The following ARHGAP26 variants were observed in gnomAD, a reference collection of about 807,000 sequenced individuals.
ARHGAP26 encodes the protein rho GTPase-activating protein 26.
ARHGAP26 carries 38 observed loss-of-function variants against 104.8 expected under a neutral mutation model. The observed-to-expected ratio is 0.36, with a 90% CI of 0.28 to 0.48. The LOEUF is 0.48. Among genes scored for constraint, ARHGAP26 ranks in the 20% least tolerant of loss-of-function variants. ARHGAP26 has a pLI of 0.99. For missense variants in ARHGAP26, 704 were observed against 947.9 expected (o/e 0.74, Z 3.38); for synonymous variants, 341 against 340.0 (o/e 1.00, Z -0.03).
intron 20 of ARHGAP26, among the ~76,000 whole-genome samples, chr5:143,155,517 C>T (rs1800373338): frequency 6.6e-6 from 1 of 152,146 alleles, no homozygotes; most frequent in African/African-American, 2.4e-5. Flanking sequence ...GGTGGTTCTT[C>T]TTTTTTAAAA....
chr5:143,134,198 G>A (rs1797672277), intron 19 of ARHGAP26, 93 bp downstream of exon 19: 2 of 1,408,004 alleles, frequency 1.4e-6, no homozygotes, highest in East Asian at 5.0e-5. Context: ...TTTTCTCTGT[G>A]TGCTACTGGC....
At chr5:143,101,282 T>C (rs1793193895) in intron 17 of ARHGAP26, among the ~76,000 whole-genome samples, 1 of 152,182 alleles carries the variant, frequency 6.6e-6, no homozygotes, top group Non-Finnish European at 1.5e-5. Flanking sequence ...AGAAAATTAC[T>C]CTGGTTCGAG....
At chr5:142,826,107 TCAGA>T (rs1452990889) in intron 1 of ARHGAP26, among the ~76,000 whole-genome samples, 4 of 152,248 alleles carry the variant, frequency 2.6e-5, no homozygotes, top group African/African-American at 4.8e-5. Context: ...TAATGACCAG[TCAGA>T]CAGTGTTGAA....
intron 11 of ARHGAP26, among the ~76,000 whole-genome samples, chr5:143,008,133 A>T (rs540258537): frequency 3.3e-5 from 5 of 152,214 alleles, no homozygotes; most frequent in Non-Finnish European, 5.9e-5. Context: ...AGGCCATAGA[A>T]TTTACATTCA....
At position 142,949,164 on chromosome 5, in the gene ARHGAP26, CCAGAGAGAGAGA is replaced by C. The variant is rs1288373230; in HGVS notation, c.1107+17040_1107+17051del. Among the ~76,000 whole-genome samples, 45 of 40,626 alleles carry C rather than the reference CCAGAGAGAGAGA, an allele frequency of 1.1e-3. 6 individuals carry two copies. The highest frequency in any genetic ancestry group is 3.8e-3 in the African/African-American group (37 of 9,730). The allele number at this position is 40,626 out of a possible 152,430, so 26.7% of individuals were successfully genotyped here. A position where few individuals can be genotyped will look rare whatever the true frequency, so the allele number is the denominator to read the frequency against. On this transcript the variant is annotated intron_variant, in intron 11 of 22. Transcript: ENST00000645722. ...CTGCTGAAGTTTTATAGTTGAATTTCCAGAGAGAGAGAGAGAGAGAGAGAGAGAGAGAGAGAG... is the reference window on the plus strand; with the variant it reads ...CTGCTGAAGTTTTATAGTTGAATTTCGAGAGAGAGAGAGAGAGAGAGAGAG...
At chr5:142,861,463 T>C (rs1207476448) in intron 1 of ARHGAP26, among the ~76,000 whole-genome samples, 1 of 152,060 alleles carries the variant, frequency 6.6e-6, no homozygotes, top group Non-Finnish European at 1.5e-5. Flanking sequence ...CCACCTTGCT[T>C]CCTGTGGTAT....
intron 4 of ARHGAP26, among the ~76,000 whole-genome samples, chr5:142,884,546 C>T (rs1380650405): frequency 6.6e-6 from 1 of 152,218 alleles, no homozygotes; most frequent in Non-Finnish European, 1.5e-5. Flanking sequence ...TAGGTAGACA[C>T]ACTCTATGTA....
chr5:142,873,064 C>T (rs942442310), intron 1 of ARHGAP26, among the ~76,000 whole-genome samples: 1 of 152,244 alleles, frequency 6.6e-6, no homozygotes, highest in African/African-American at 2.4e-5. Context: ...GCTGTGGACA[C>T]TAATGTTGGC....
chr5:143,182,181 C>G (rs762587071), intron 20 of ARHGAP26, among the ~76,000 whole-genome samples: 2 of 152,170 alleles, frequency 1.3e-5, no homozygotes, highest in Non-Finnish European at 2.9e-5. Flanking sequence ...TAAGAGTTGA[C>G]AACTCTTACT....
chr5:143,104,518 C>T (rs1793721949), intron 17 of ARHGAP26, among the ~76,000 whole-genome samples: 1 of 151,914 alleles, frequency 6.6e-6, no homozygotes. Context: ...CTCAAAAAAA[C>T]AAAACAAAAC....
intron 18 of ARHGAP26, 101 bp from the exon 19 acceptor site, chr5:143,133,866 T>G: frequency 8.4e-7 from 1 of 1,191,250 alleles, no homozygotes. Context: ...CTTTTCTTGC[T>G]AATTCCAAGA....
chr5:142,886,376 A>G (rs987462320), intron 5 of ARHGAP26, among the ~76,000 whole-genome samples: 2 of 152,188 alleles, frequency 1.3e-5, no homozygotes. Flanking sequence ...CCCAACCACA[A>G]TTGGTTACAC....
intron 1 of ARHGAP26, among the ~76,000 whole-genome samples, chr5:142,837,233 G>C (rs771568396): frequency 6.6e-6 from 1 of 152,126 alleles, no homozygotes; most frequent in Non-Finnish European, 1.5e-5. Context: ...AAGGGTAGAC[G>C]TCATGAGAAA....
intron 17 of ARHGAP26, among the ~76,000 whole-genome samples, chr5:143,084,044 A>C (rs1048754571): frequency 6.6e-6 from 1 of 152,194 alleles, no homozygotes; most frequent in African/African-American, 2.4e-5. Context: ...CACGTCATTG[A>C]CTTTTATATG....
At chr5:142,817,670 G>A (rs1283235494) in intron 1 of ARHGAP26, among the ~76,000 whole-genome samples, 6 of 152,174 alleles carry the variant, frequency 3.9e-5, no homozygotes, top group African/African-American at 1.4e-4. Flanking sequence ...CCTCTCATGA[G>A]GTGGTGTGGA....
chr5:142,841,424 G>A (rs548406276), intron 1 of ARHGAP26, among the ~76,000 whole-genome samples: 13 of 152,296 alleles, frequency 8.5e-5, no homozygotes, highest in Middle Eastern at 3.4e-3. Context: ...TTACGTTTAC[G>A]GTGTAATTAA....
chr5:143,142,760 C>T (rs1798715260), intron 19 of ARHGAP26, among the ~76,000 whole-genome samples: 1 of 152,084 alleles, frequency 6.6e-6, no homozygotes. Flanking sequence ...AATTGCTGTG[C>T]ACTCATCACT....
At chr5:143,219,043 G>A (rs1027526570) in intron 22 of ARHGAP26, among the ~76,000 whole-genome samples, 4 of 152,244 alleles carry the variant, frequency 2.6e-5, no homozygotes, top group African/African-American at 4.8e-5. Context: ...GTGCGTATTC[G>A]CAAAGGGTCT....
chr5:142,941,103 A>AAAC (rs1187738620), intron 11 of ARHGAP26, among the ~76,000 whole-genome samples: 3 of 145,212 alleles, frequency 2.1e-5, no homozygotes, highest in East Asian at 2.2e-4. Context: ...AAAAAAAAGA[A>AAAC]TCTATATTCC....
Sources: allele counts gnomAD v4.1 joint callset (sites outside exome capture counted in the v4.1 genomes callset), GRCh38; gene constraint gnomAD v4.1.1; transcripts MANE v1.5; gene names NCBI Gene and HGNC (gene_info 2026-07-23, HGNC 2026-07-21).